Variants in SH3RF2 observed in about 807,000 individuals in gnomAD.
The protein encoded by SH3RF2 is SH3 domain containing ring finger 2.
In SH3RF2, 43 loss-of-function variants were observed where a neutral mutation model predicts 59.0. The observed-to-expected ratio is 0.73, with a 90% confidence interval of 0.57 to 0.94. The LOEUF is 0.94. Ranked by LOEUF, SH3RF2 falls within the 40% of genes least tolerant of loss-of-function variation. SH3RF2 has a pLI of 0.00. For missense variants in SH3RF2, 930 were observed against 940.1 expected (o/e 0.99, Z 0.14); for synonymous variants, 391 against 391.5 (o/e 1.00, Z 0.01).
chr5:145,963,014 C>T (rs1758690703), intron 2 of SH3RF2, among the ~76,000 whole-genome samples: 2 of 150,558 alleles, frequency 1.3e-5, no homozygotes, highest in African/African-American at 4.9e-5. Context: ...TCTCCTGTCT[C>T]AGCCACCCGA....
chr5:146,049,674 G>A (rs773226366), intron 7 of SH3RF2, among the ~76,000 whole-genome samples: 1 of 152,020 alleles, frequency 6.6e-6, no homozygotes, highest in African/African-American at 2.4e-5. Context: ...AGCACCTCGG[G>A]AAACTTCTCA....
chr5:146,021,498 A>G (rs1054514815), intron 5 of SH3RF2, among the ~76,000 whole-genome samples: 3 of 152,200 alleles, frequency 2.0e-5, no homozygotes, highest in Non-Finnish European at 4.4e-5. Flanking sequence ...TATCCCCTCC[A>G]ATTGCTCTGT....
At chr5:146,044,009 T>C (rs1000123894) in intron 5 of SH3RF2, among the ~76,000 whole-genome samples, 1 of 152,222 alleles carries the variant, frequency 6.6e-6, no homozygotes, top group African/African-American at 2.4e-5. Context: ...AAGTGTATGA[T>C]TAACTTTATA....
At position 145,951,895 on chromosome 5, in the gene SH3RF2, G is replaced by C. The variant is rs532602334; in HGVS notation, c.378+13589G>C. On this transcript the variant is annotated intron_variant, in intron 2 of 9. Transcript: ENST00000359120. The stretch of plus-strand genomic sequence containing the variant: ...CAAGATAGAGCACTAGGTAAGAACA[G>C]GGGCTCTGAAGTTATAATAGCTAGT... Among the ~76,000 whole-genome samples the C allele has an allele frequency of 2.6e-5, 4 of 152,294 alleles. No individual in the cohort carries two copies. In the South Asian group the frequency reaches 8.3e-4, roughly 32 times the overall value.
rs952046765 is a variant in SH3RF2 at position 145,997,267 on chromosome 5, A to G, written c.379-2791A>G. On this transcript the variant is annotated intron_variant, in intron 2 of 9. Coordinates refer to ENST00000359120, the MANE Select transcript of SH3RF2 (RefSeq NM_152550.4). ...GCAAGTCTGATACATGCATCTGTAA[A>G]TGTACATGGAACCAAAGAAGAGGAA... The G allele has an allele frequency of 4.1e-6, 4 of 969,112 alleles. No individual in the cohort carries two copies. The Admixed American group carries it at 6.8e-5, about 16-fold the overall frequency. 60.0% of individuals were successfully genotyped at this position (969,112 alleles called of 1,614,324 possible). A position where few individuals can be genotyped will look rare whatever the true frequency, so the allele number is the denominator to read the frequency against.
intron 4 of SH3RF2, 53 bp downstream of exon 4, chr5:146,004,206 G>T: frequency 1.4e-6 from 2 of 1,436,570 alleles, no homozygotes; most frequent in Non-Finnish European, 9.7e-7. Flanking sequence ...AAATATTCAT[G>T]TGCTACAGTG....
chr5:145,979,084 C>G (rs1759411167), intron 2 of SH3RF2, among the ~76,000 whole-genome samples: 1 of 152,148 alleles, frequency 6.6e-6, no homozygotes, highest in African/African-American at 2.4e-5. Flanking sequence ...AAAGTCCTGG[C>G]CCTAAGTAAG....
At chr5:146,033,607 A>AT (rs1205678693) in intron 5 of SH3RF2, among the ~76,000 whole-genome samples, 2 of 151,508 alleles carry the variant, frequency 1.3e-5, no homozygotes, top group Admixed American at 6.6e-5. Flanking sequence ...AGAAGCTGGG[A>AT]TTACAGGCAC....
chr5:146,079,909 C>A (rs933711542), exon 10 of SH3RF2: 3 of 152,220 alleles, frequency 2.0e-5, no homozygotes, highest in Non-Finnish European at 4.4e-5. Flanking sequence ...CATCTTCATG[C>A]ATTGGCTTCT....
At chr5:146,048,986 G>A (rs1043748640) in intron 6 of SH3RF2, 89 bp from the exon 7 acceptor site, 1 of 1,472,844 alleles carries the variant, frequency 6.8e-7, no homozygotes, top group South Asian at 1.2e-5. Flanking sequence ...GCTAACCACT[G>A]GGCAGTCTCT....
At chr5:146,074,930 A>G (rs903795990) in intron 9 of SH3RF2, among the ~76,000 whole-genome samples, 10 of 152,238 alleles carry the variant, frequency 6.6e-5, no homozygotes, top group African/African-American at 2.2e-4. Flanking sequence ...CACTTCACCT[A>G]TCTAAGTCTC....
chr5:146,018,563 G>T (rs944933150), intron 5 of SH3RF2, among the ~76,000 whole-genome samples: 2 of 151,692 alleles, frequency 1.3e-5, no homozygotes, highest in Admixed American at 1.3e-4. Context: ...AGTTGATTCC[G>T]TATCTTTGCA....
At chr5:146,022,907 AC>A (rs1580874852) in intron 5 of SH3RF2, among the ~76,000 whole-genome samples, 1 of 151,210 alleles carries the variant, frequency 6.6e-6, no homozygotes, top group African/African-American at 2.4e-5. Context: ...ACACACACAC[AC>A]ACACACACAC....
At chr5:145,950,696 A>C (rs1333965846) in intron 2 of SH3RF2, among the ~76,000 whole-genome samples, 2 of 152,184 alleles carry the variant, frequency 1.3e-5, no homozygotes, top group Non-Finnish European at 2.9e-5. Context: ...CAAGGGAGGG[A>C]TATTTGGAAG....
chr5:146,012,093 G>T (rs1355029922), intron 4 of SH3RF2, among the ~76,000 whole-genome samples: 1 of 152,094 alleles, frequency 6.6e-6, no homozygotes, highest in Admixed American at 6.5e-5. Flanking sequence ...AGCATGAAGG[G>T]CTGTTGAATT....
At chr5:145,944,915 T>G (rs1429439201) in intron 2 of SH3RF2, among the ~76,000 whole-genome samples, 2 of 152,212 alleles carry the variant, frequency 1.3e-5, no homozygotes, top group Non-Finnish European at 2.9e-5. Context: ...GCAGTATTTA[T>G]TTAGTTCCTA....
chr5:146,047,262 G>A (rs1762337488), intron 5 of SH3RF2, among the ~76,000 whole-genome samples: 3 of 151,976 alleles, frequency 2.0e-5, no homozygotes, highest in African/African-American at 7.2e-5. Context: ...TACTAATTGT[G>A]TGACCTTTCT....
chr5:145,984,433 C>T (rs1024826907), intron 2 of SH3RF2, among the ~76,000 whole-genome samples: 1 of 152,150 alleles, frequency 6.6e-6, no homozygotes, highest in Non-Finnish European at 1.5e-5. Flanking sequence ...GCGAACAATG[C>T]CAAAGATATT....
In SH3RF2 at chr5:145,965,297, A is replaced by G. The variant is rs574522350; in HGVS notation, c.378+26991A>G. Among the ~76,000 whole-genome samples, 67 of 152,196 alleles carry G rather than the reference A, an allele frequency of 4.4e-4. 1 individual carries two copies. The South Asian group carries it at 0.012, about 27-fold the overall frequency. On this transcript the variant is annotated intron_variant, in intron 2 of 9. Coordinates refer to ENST00000359120, the MANE Select transcript of SH3RF2 (RefSeq NM_152550.4). ...AGAAATGGCACGGCCTGTTTTGTCA[A>G]TGGTGTTGACCCTCAGGCAATGTCT... is the stretch of plus-strand genomic sequence containing the variant.
Sources: allele counts gnomAD v4.1 joint callset (sites outside exome capture counted in the v4.1 genomes callset), GRCh38; gene constraint gnomAD v4.1.1; transcripts MANE v1.5; gene names NCBI Gene and HGNC (gene_info 2026-07-23, HGNC 2026-07-21).